Variants in PCDH15 observed in about 807,000 individuals in gnomAD.
The protein encoded by PCDH15 is protocadherin related 15, also known as protocadherin-15.
Under a neutral mutation model 178.5 loss-of-function variants are expected in PCDH15, and 129 were observed. That is an observed-to-expected ratio of 0.72 (90% CI 0.63 to 0.84). The LOEUF (loss-of-function observed/expected upper bound fraction) is 0.84, where lower values mean the gene tolerates loss of function less well. PCDH15 is among the 40% of genes least tolerant of loss of function. The probability of loss-of-function intolerance (pLI) is 0.00; values close to 1 mark genes in which losing one functional copy is unlikely to be tolerated. For synonymous variants in PCDH15, 800 were observed against 732.0 expected (o/e 1.09, Z -1.50); for missense variants, 2,230 against 2,099.9 (o/e 1.06, Z -1.21).
At chr10:54,353,183 T>C (rs1468581393) in intron 5 of PCDH15, among the ~76,000 whole-genome samples, 1 of 152,164 alleles carries the variant, frequency 6.6e-6, no homozygotes, top group Non-Finnish European at 1.5e-5. Flanking sequence ...AACTAGTAAA[T>C]ATAACATTTG....
intron 1 of PCDH15, among the ~76,000 whole-genome samples, chr10:54,693,411 T>C (rs2095165295): frequency 6.6e-6 from 1 of 152,178 alleles, no homozygotes; most frequent in African/African-American, 2.4e-5. Context: ...CATGTTCATA[T>C]ATTAGATTAA....
At chr10:54,829,013 C>T (rs1370472100) in intron 3 of PCDH15, among the ~76,000 whole-genome samples, 1 of 151,916 alleles carries the variant, frequency 6.6e-6, no homozygotes, top group Non-Finnish European at 1.5e-5. Flanking sequence ...TATTAAAAAA[C>T]TGCTGGAAAA....
chr10:55,352,153 T>A (rs1250016931), intron 2 of PCDH15, among the ~76,000 whole-genome samples: 3 of 152,190 alleles, frequency 2.0e-5, no homozygotes. Flanking sequence ...AATTTACCAT[T>A]TGATAATGGA....
chr10:54,318,806 A>C (rs1382430862), intron 7 of PCDH15, among the ~76,000 whole-genome samples: 2 of 152,188 alleles, frequency 1.3e-5, no homozygotes, highest in Non-Finnish European at 2.9e-5. Context: ...TGACATATTT[A>C]TCAAAAGTAT....
At chr10:55,599,913 G>A in intron 2 of PCDH15, 1 of 1,524,462 alleles carries the variant, frequency 6.6e-7, no homozygotes, top group South Asian at 1.2e-5. Context: ...GCCACACCAG[G>A]GTTTAGCTGT....
At chr10:55,335,531 G>T (rs1176278920) in intron 2 of PCDH15, among the ~76,000 whole-genome samples, 2 of 152,170 alleles carry the variant, frequency 1.3e-5, no homozygotes, top group African/African-American at 2.4e-5. Flanking sequence ...TCAGAGGTCA[G>T]CATGACGTAG....
chr10:55,438,308 T>C (rs1589027781), intron 2 of PCDH15, among the ~76,000 whole-genome samples: 1 of 152,122 alleles, frequency 6.6e-6, no homozygotes, highest in South Asian at 2.1e-4. Context: ...CTATATATCA[T>C]ATAAAATATC....
At chr10:55,458,652 G>A (rs751474635) in intron 2 of PCDH15, among the ~76,000 whole-genome samples, 1 of 151,996 alleles carries the variant, frequency 6.6e-6, no homozygotes, top group Non-Finnish European at 1.5e-5. Context: ...GGTAAAGCAT[G>A]ATGAATAGCA....
chr10:55,472,815 G>A (rs999648610), intron 2 of PCDH15, among the ~76,000 whole-genome samples: 3 of 152,086 alleles, frequency 2.0e-5, no homozygotes, highest in African/African-American at 4.8e-5. Context: ...TGATCCACCC[G>A]ACTCGGCCTC....
chr10:54,830,777 A>T (rs1024868040), intron 3 of PCDH15, among the ~76,000 whole-genome samples: 3 of 151,958 alleles, frequency 2.0e-5, no homozygotes, highest in Admixed American at 6.6e-5. Context: ...AAAAAGCAAA[A>T]AAAAGAAGAA....
chr10:54,846,052 C>T (rs1415582087), intron 3 of PCDH15, among the ~76,000 whole-genome samples: 1 of 151,918 alleles, frequency 6.6e-6, no homozygotes, highest in Non-Finnish European at 1.5e-5. Context: ...AATTACTTAC[C>T]TTTACTGCAT....
intron 3 of PCDH15, among the ~76,000 whole-genome samples, chr10:54,814,113 C>T (rs535944738): frequency 1.1e-4 from 16 of 152,280 alleles, no homozygotes; most frequent in African/African-American, 3.8e-4. Flanking sequence ...AAGCTCCTGA[C>T]AAATTAAACT....
At chr10:54,051,865 C>T (rs1414820747) in intron 18 of PCDH15, among the ~76,000 whole-genome samples, 1 of 152,080 alleles carries the variant, frequency 6.6e-6, no homozygotes, top group African/African-American at 2.4e-5. Context: ...ACTATGCAGC[C>T]TCAGTACATA....
At chr10:55,251,256 A>G (rs1247199013) in intron 1 of PCDH15, among the ~76,000 whole-genome samples, 1 of 152,128 alleles carries the variant, frequency 6.6e-6, no homozygotes, top group Non-Finnish European at 1.5e-5. Flanking sequence ...AGATACATGT[A>G]TCTACCAATA....
intron 1 of PCDH15, among the ~76,000 whole-genome samples, chr10:55,168,662 T>A (rs979947724): frequency 6.6e-6 from 1 of 152,192 alleles, no homozygotes; most frequent in East Asian, 1.9e-4. Context: ...TTTCATAAAA[T>A]ATAGCAGAAA....
At chr10:54,331,326 C>G (rs1939510448) in intron 6 of PCDH15, among the ~76,000 whole-genome samples, 1 of 151,804 alleles carries the variant, frequency 6.6e-6, no homozygotes, top group Admixed American at 6.6e-5. Flanking sequence ...ACACACTGTA[C>G]ATTTTGCAGA....
intron 2 of PCDH15, among the ~76,000 whole-genome samples, chr10:55,548,778 GA>G (rs1354441726): frequency 6.6e-6 from 1 of 152,054 alleles, no homozygotes; most frequent in African/African-American, 2.4e-5. Context: ...GTGAAAGGAG[GA>G]GAGAGAGTAG....
intron 1 of PCDH15, among the ~76,000 whole-genome samples, chr10:55,296,734 T>G (rs1240670436): frequency 2.0e-5 from 3 of 152,120 alleles, no homozygotes; most frequent in African/African-American, 7.2e-5. Flanking sequence ...TTTTTTAAAC[T>G]TAGACATAGT....
chr10:53,849,539 T>C (rs1012485267), intron 28 of PCDH15, among the ~76,000 whole-genome samples: 1 of 152,050 alleles, frequency 6.6e-6, no homozygotes, highest in Non-Finnish European at 1.5e-5. Context: ...TGATAAGTGA[T>C]TTGCTTTTGG....
Sources: gnomAD v4.1 joint callset for allele counts (sites outside exome capture counted in the v4.1 genomes callset) on GRCh38, gnomAD v4.1.1 for gene constraint, MANE v1.5 for transcripts, NCBI Gene and HGNC (gene_info 2026-07-23, HGNC 2026-07-21) for gene names.